The following NSG2 variants were observed in gnomAD, a reference collection of about 807,000 sequenced individuals.
The protein encoded by NSG2 is neuronal vesicle trafficking associated 2.
Under a neutral mutation model 16.9 loss-of-function variants are expected in NSG2, and 4 were observed. The ratio of observed to expected loss-of-function variants is 0.24; its 90% confidence interval spans 0.12 to 0.54. The LOEUF (loss-of-function observed/expected upper bound fraction) is 0.54, where lower values mean the gene tolerates loss of function less well. NSG2 is among the 20% of genes least tolerant of loss of function. The pLI is 0.95. For missense variants in NSG2, 179 were observed against 221.1 expected (o/e 0.81, Z 1.21); for synonymous variants, 98 against 88.7 (o/e 1.11, Z -0.59).
In NSG2 at chr5:174,082,905, A is replaced by G. The variant is rs769170337; in HGVS notation, c.213+18590A>G. 7.2e-5 allele frequency among the ~76,000 whole-genome samples: 11 copies of G among 152,282 alleles called. No individual in the cohort carries two copies. In the South Asian group the frequency reaches 1.2e-3, roughly 17 times the overall value. ...TGCCAAAGTGATTTTAAAAACGCCA[A>G]TGGAACCATGTCCATGAATGCCGGA... On this transcript the variant is annotated intron_variant, in intron 3 of 4. Transcript: ENST00000303177.
Position 174,045,829 on chromosome 5 carries a change from C to G in NSG2, c.-37C>G, listed in dbSNP as rs564453659. ...TTGGCTTGAATCTGCTCTGACCCCCCACGAGTGCAGCACAGTAAGTAGGCA... is the reference window on the plus strand; with the variant it reads ...TTGGCTTGAATCTGCTCTGACCCCCGACGAGTGCAGCACAGTAAGTAGGCA... On this transcript the variant is annotated 5_prime_UTR_variant, in exon 1 of 5. Transcript: ENST00000303177. 6.6e-6 allele frequency: 1 copy of G among 152,424 alleles called. No individual in the cohort carries two copies. The highest frequency in any genetic ancestry group is 1.5e-5 in the Non-Finnish European group (1 of 68,096). The allele number at this position is 152,424 out of a possible 1,614,324, so 9.4% of individuals were successfully genotyped here.
At chr5:174,083,385 C>A (rs1034889369) in intron 3 of NSG2, among the ~76,000 whole-genome samples, 1 of 152,172 alleles carries the variant, frequency 6.6e-6, no homozygotes, top group Non-Finnish European at 1.5e-5. Context: ...TTCTTTATAA[C>A]AGAAATGAGG....
In NSG2 at chr5:174,092,059, C is replaced by A. The variant is rs145773164; in HGVS notation, c.214-12169C>A. ...CATTGTCTTGTTCCAATGACAGTCT[C>A]CAGGCTACTTGCATTCAAACCTCCT... On this transcript the variant is annotated intron_variant, in intron 3 of 4. Coordinates refer to ENST00000303177, the MANE Select transcript of NSG2 (RefSeq NM_015980.5). 3.2e-3 allele frequency among the ~76,000 whole-genome samples: 482 copies of A among 152,318 alleles called. 4 individuals are homozygous for A. The highest frequency in any genetic ancestry group is 0.011 in the African/African-American group (448 of 41,574).
rs141119591 is a variant in NSG2 at position 174,068,960 on chromosome 5, C to G, written c.213+4645C>G. On this transcript the variant is annotated intron_variant, in intron 3 of 4. Coordinates refer to ENST00000303177, the MANE Select transcript of NSG2 (RefSeq NM_015980.5). ...GGGGATCCTGGTGCTGTGGAAGGTG[C>G]TAGTACTATGGAGGGTGCTGGTGTC... Among the ~76,000 whole-genome samples the G allele has an allele frequency of 2.4e-4, 36 of 150,580 alleles. No homozygotes were observed. In the East Asian group the frequency reaches 6.7e-3, roughly 28 times the overall value.
At chr5:174,069,971 A>G (rs765843170) in intron 3 of NSG2, among the ~76,000 whole-genome samples, 9 of 147,070 alleles carry the variant, frequency 6.1e-5, no homozygotes, top group Non-Finnish European at 1.0e-4. Flanking sequence ...TTGACCTCCC[A>G]GGCTCAAGTG....
intron 3 of NSG2, among the ~76,000 whole-genome samples, chr5:174,080,842 T>C (rs910435773): frequency 2.0e-5 from 3 of 152,170 alleles, no homozygotes; most frequent in Admixed American, 2.0e-4. Context: ...GGATTACAGA[T>C]GTGAGCCACC....
intron 3 of NSG2, among the ~76,000 whole-genome samples, chr5:174,081,891 A>C (rs1187519539): frequency 1.3e-5 from 2 of 150,446 alleles, no homozygotes; most frequent in Admixed American, 1.3e-4. Flanking sequence ...CCGACTCAAA[A>C]AAAAAAAAAA....
chr5:174,047,653 G>A (rs1198768997), intron 2 of NSG2, among the ~76,000 whole-genome samples: 1 of 152,184 alleles, frequency 6.6e-6, no homozygotes, highest in Non-Finnish European at 1.5e-5. Flanking sequence ...GTGTCTTTTG[G>A]GGAGGCGTGG....
intron 3 of NSG2, chr5:174,086,687 C>T (rs1760628336): frequency 6.6e-6 from 1 of 152,246 alleles, no homozygotes; most frequent in South Asian, 2.1e-4. Flanking sequence ...CTTATAAAGG[C>T]ACAACCTTGT....
chr5:174,077,250 A>T (rs921223074), intron 3 of NSG2, among the ~76,000 whole-genome samples: 1 of 152,176 alleles, frequency 6.6e-6, no homozygotes, highest in African/African-American at 2.4e-5. Context: ...AGATATTTCA[A>T]CTGCCCTTCT....
intron 3 of NSG2, among the ~76,000 whole-genome samples, chr5:174,070,279 C>A (rs2113442747): frequency 6.6e-6 from 1 of 152,220 alleles, no homozygotes; most frequent in Middle Eastern, 3.4e-3. Context: ...TACTTTTCAG[C>A]CTAACAACAA....
chr5:174,081,907 A>AG (rs1491022787), intron 3 of NSG2, among the ~76,000 whole-genome samples: 5 of 148,738 alleles, frequency 3.4e-5, no homozygotes, highest in South Asian at 2.1e-4. Flanking sequence ...AAAAAAAAAA[A>AG]AGAGAGAGAA....
chr5:174,107,585 A>G lies in NSG2; in HGVS notation c.*80A>G, dbSNP rs1382140666. On this transcript the variant is annotated 3_prime_UTR_variant, in exon 5 of 5. Coordinates refer to ENST00000303177, the MANE Select transcript of NSG2 (RefSeq NM_015980.5). The surrounding 1 kb of genome is among the most constrained non-coding windows in gnomAD (Gnocchi z 4.5). ...TAAGCCAAGCTCCAGTTACAAGACA[A>G]CACTGTACTCCTGGGATATGGGGGC... The G allele has an allele frequency of 5.7e-6, 5 of 879,376 alleles. No individual in the cohort carries two copies. The highest frequency in any genetic ancestry group is 8.2e-6 in the Non-Finnish European group (5 of 606,530). 54.5% of individuals were successfully genotyped at this position (879,376 alleles called of 1,614,324 possible).
chr5:174,104,434 C>A (rs1018145551), intron 4 of NSG2, 96 bp downstream of exon 4: 8 of 852,666 alleles, frequency 9.4e-6, no homozygotes, highest in South Asian at 2.8e-5. Context: ...CTGGGTATGA[C>A]GACCTCTCTA....
At chr5:174,096,621 C>T (rs1226873851) in intron 3 of NSG2, among the ~76,000 whole-genome samples, 3 of 152,110 alleles carry the variant, frequency 2.0e-5, no homozygotes, top group South Asian at 2.1e-4. Context: ...GAGTCTAGGG[C>T]GGACTGGAAG....
chr5:174,083,882 G>T (rs761893424), intron 3 of NSG2, among the ~76,000 whole-genome samples: 42 of 152,200 alleles, frequency 2.8e-4, no homozygotes, highest in Non-Finnish European at 6.0e-4. Flanking sequence ...CACTCCCTTT[G>T]TACAGAAGAT....
intron 3 of NSG2, among the ~76,000 whole-genome samples, chr5:174,098,506 C>T (rs1003270949): frequency 6.6e-6 from 1 of 152,160 alleles, no homozygotes; most frequent in Non-Finnish European, 1.5e-5. Flanking sequence ...GCTCCTCTTC[C>T]TTGTAGGATC....
chr5:174,054,582 T>C (rs1227509590), intron 2 of NSG2, among the ~76,000 whole-genome samples: 3 of 152,222 alleles, frequency 2.0e-5, no homozygotes, highest in Non-Finnish European at 4.4e-5. Context: ...CGGGGCCTTG[T>C]TGCCCAGGCT....
At chr5:174,089,018 C>T (rs979045613) in intron 3 of NSG2, among the ~76,000 whole-genome samples, 4 of 152,152 alleles carry the variant, frequency 2.6e-5, no homozygotes, top group Admixed American at 6.5e-5. Context: ...TTGGTAAGCC[C>T]CTTGAAGGGG....
Sources: allele counts gnomAD v4.1 joint callset (sites outside exome capture counted in the v4.1 genomes callset), GRCh38; gene constraint gnomAD v4.1.1; non-coding constraint Gnocchi (gnomAD v3.1); transcripts MANE v1.5; gene names NCBI Gene and HGNC (gene_info 2026-07-23, HGNC 2026-07-21).